The following EPHA5 variants were observed in gnomAD, a reference collection of about 807,000 sequenced individuals.
The protein encoded by EPHA5 is EPH receptor A5.
A neutral mutation model predicts 105.0 loss-of-function variants in EPHA5; 60 were observed. The observed-to-expected ratio is 0.57, with a 90% CI of 0.46 to 0.71. EPHA5 has a LOEUF of 0.71. Ranked by LOEUF, EPHA5 falls within the 30% of genes least tolerant of loss-of-function variation. The pLI, the probability that EPHA5 is intolerant of heterozygous loss-of-function variation, is 0.00. For synonymous variants in EPHA5, 513 were observed against 449.1 expected, an observed-to-expected ratio of 1.14 and a Z score of -1.80; for missense variants, 1,218 against 1,274.7, an observed-to-expected ratio of 0.96 and a Z score of 0.68.
At chr4:65,449,330 G>A (rs547018876) in intron 5 of EPHA5, among the ~76,000 whole-genome samples, 9 of 152,272 alleles carry the variant, frequency 5.9e-5, no homozygotes, top group African/African-American at 1.9e-4. Flanking sequence ...AAGCATTAAT[G>A]AGGGTTTAAA....
At chr4:65,537,624 C>A (rs1376018050) in intron 3 of EPHA5, among the ~76,000 whole-genome samples, 2 of 151,646 alleles carry the variant, frequency 1.3e-5, no homozygotes, top group African/African-American at 2.4e-5. Flanking sequence ...ATATCTAAGG[C>A]CACAAAAGTG....
chr4:65,433,285 G>A (rs983280226), intron 5 of EPHA5, among the ~76,000 whole-genome samples: 7 of 152,064 alleles, frequency 4.6e-5, no homozygotes, highest in African/African-American at 1.7e-4. Flanking sequence ...ATTTTGGGAA[G>A]CTTCCATATT....
intron 5 of EPHA5, among the ~76,000 whole-genome samples, chr4:65,448,077 T>C (rs1443476067): frequency 6.6e-6 from 1 of 151,314 alleles, no homozygotes; most frequent in African/African-American, 2.4e-5. Context: ...TCTTGTTATA[T>C]GAAAACTGTA....
intron 8 of EPHA5, among the ~76,000 whole-genome samples, chr4:65,390,481 G>A (rs74646373): frequency 5.1e-4 from 78 of 151,984 alleles, no homozygotes; most frequent in African/African-American, 1.6e-3. Flanking sequence ...CATACCTTCC[G>A]TTTCTAGGAC....
chr4:65,638,610 A>G (rs1450652509), intron 2 of EPHA5, among the ~76,000 whole-genome samples: 2 of 152,136 alleles, frequency 1.3e-5, no homozygotes, highest in African/African-American at 4.8e-5. Flanking sequence ...GTGGTGGCAC[A>G]TGCCTGTAAT....
intron 1 of EPHA5, among the ~76,000 whole-genome samples, chr4:65,653,821 C>G (rs751758304): frequency 2.0e-4 from 31 of 152,048 alleles, no homozygotes; most frequent in Non-Finnish European, 4.1e-4. Flanking sequence ...TTGTTTTATG[C>G]TTATTAATTA....
chr4:65,425,769 A>C (rs1313648812), intron 5 of EPHA5, among the ~76,000 whole-genome samples: 1 of 151,942 alleles, frequency 6.6e-6, no homozygotes, highest in Non-Finnish European at 1.5e-5. Context: ...TATCCTAATC[A>C]TTGTTAGCAA....
intron 3 of EPHA5, among the ~76,000 whole-genome samples, chr4:65,548,614 T>C (rs916183255): frequency 6.6e-6 from 1 of 152,076 alleles, no homozygotes; most frequent in Non-Finnish European, 1.5e-5. Flanking sequence ...GCAATACACT[T>C]TGGAAAATGT....
chr4:65,609,359 T>C (rs527739290), intron 2 of EPHA5, among the ~76,000 whole-genome samples: 21 of 152,304 alleles, frequency 1.4e-4, no homozygotes, highest in African/African-American at 4.3e-4. Flanking sequence ...AATTCGTAAG[T>C]ATGATGCAGC....
At chr4:65,405,710 T>C (rs1722290703) in intron 7 of EPHA5, among the ~76,000 whole-genome samples, 1 of 152,116 alleles carries the variant, frequency 6.6e-6, no homozygotes, top group Non-Finnish European at 1.5e-5. Flanking sequence ...GCATAATATA[T>C]ACAATAGTAT....
At chr4:65,571,700 A>G (rs1740202328) in intron 3 of EPHA5, among the ~76,000 whole-genome samples, 1 of 152,066 alleles carries the variant, frequency 6.6e-6, no homozygotes, top group Non-Finnish European at 1.5e-5. Flanking sequence ...TTTACTTTTC[A>G]ATAAAAATAT....
chr4:65,392,490 A>G (rs1720816696), intron 8 of EPHA5, among the ~76,000 whole-genome samples: 1 of 152,142 alleles, frequency 6.6e-6, no homozygotes. Flanking sequence ...AAACTATACA[A>G]GCCTAATCAT....
intron 10 of EPHA5, 132 bp from the exon 11 acceptor site, chr4:65,365,334 A>C (rs538344362): frequency 1.6e-5 from 12 of 747,906 alleles, no homozygotes; most frequent in East Asian, 2.7e-5. Context: ...AACAAACAAA[A>C]AGCAGTCAGA....
intron 5 of EPHA5, among the ~76,000 whole-genome samples, chr4:65,434,491 G>A (rs1010343782): frequency 6.6e-6 from 1 of 151,948 alleles, no homozygotes. Flanking sequence ...TATATTTTAG[G>A]TATACATATC....
At chr4:65,476,422 G>A (rs1052946047) in intron 5 of EPHA5, among the ~76,000 whole-genome samples, 2 of 151,992 alleles carry the variant, frequency 1.3e-5, no homozygotes, top group African/African-American at 2.4e-5. Context: ...ACAAAATCAT[G>A]TCTTTTGCAG....
In EPHA5 at chr4:65,522,689, G is replaced by A. The variant is rs7676872; in HGVS notation, c.911-27146C>T. ...TTAGTGTAACAGAAACAGCAGAGGA[G>A]CTGTTTAGTTCATGATTGATTTATA... is the stretch of plus-strand genomic sequence containing the variant. On this transcript the variant is annotated intron_variant, in intron 3 of 16. Coordinates refer to ENST00000613740, the MANE Select transcript of EPHA5 (RefSeq NM_001281766.3). 1.0e-2 allele frequency among the ~76,000 whole-genome samples: 1,514 copies of A among 152,084 alleles called. 7 individuals carry two copies. The highest frequency in any genetic ancestry group is 0.024 in the Middle Eastern group (7 of 294).
intron 8 of EPHA5, among the ~76,000 whole-genome samples, chr4:65,382,396 C>T (rs1331961574): frequency 6.6e-6 from 1 of 151,408 alleles, no homozygotes; most frequent in Non-Finnish European, 1.5e-5. Context: ...TCCACGAATG[C>T]CACAGGTAAA....
chr4:65,409,800 A>T (rs1469145513), intron 7 of EPHA5, among the ~76,000 whole-genome samples: 1 of 152,240 alleles, frequency 6.6e-6, no homozygotes, highest in Non-Finnish European at 1.5e-5. Flanking sequence ...AAATAAGTGC[A>T]TGAAAAGATG....
At chr4:65,336,843 A>G (rs1236187685) in intron 14 of EPHA5, among the ~76,000 whole-genome samples, 5 of 152,112 alleles carry the variant, frequency 3.3e-5, no homozygotes, top group Admixed American at 1.3e-4. Flanking sequence ...TACCTAACTT[A>G]AGAAGAAATT....
Sources: allele counts gnomAD v4.1 joint callset (sites outside exome capture counted in the v4.1 genomes callset), GRCh38; gene constraint gnomAD v4.1.1; transcripts MANE v1.5; gene names NCBI Gene and HGNC (gene_info 2026-07-23, HGNC 2026-07-21).